The following EPHA5 variants were observed in gnomAD, a reference collection of about 807,000 sequenced individuals.
The protein encoded by EPHA5 is EPH receptor A5, also known as ephrin type-A receptor 5.
Under a neutral mutation model 105.0 loss-of-function variants are expected in EPHA5, and 60 were observed. The observed-to-expected ratio is 0.57, with a 90% CI of 0.46 to 0.71. The LOEUF is 0.71. Ranked by LOEUF, EPHA5 falls within the 30% of genes least tolerant of loss-of-function variation. EPHA5 has a pLI of 0.00. For missense variants in EPHA5, 1,218 were observed against 1,274.7 expected (o/e 0.96, Z 0.68); for synonymous variants, 513 against 449.1 (o/e 1.14, Z -1.80).
intron 5 of EPHA5, among the ~76,000 whole-genome samples, chr4:65,471,632 G>A (rs1225078799): frequency 2.0e-5 from 3 of 152,148 alleles, no homozygotes; most frequent in Non-Finnish European, 2.9e-5. Flanking sequence ...AAAGGAAGCA[G>A]ATTTGTCTTG....
At chr4:65,441,080 G>A (rs1356300745) in intron 5 of EPHA5, among the ~76,000 whole-genome samples, 4 of 151,894 alleles carry the variant, frequency 2.6e-5, no homozygotes, top group Non-Finnish European at 5.9e-5. Flanking sequence ...TAGACAAAAG[G>A]TTAACAATTT....
chr4:65,571,040 C>G (rs1399338004), intron 3 of EPHA5, among the ~76,000 whole-genome samples: 7 of 151,846 alleles, frequency 4.6e-5, no homozygotes, highest in African/African-American at 1.7e-4. Context: ...CTTCCTCCCC[C>G]TCCCTTCTCT....
intron 3 of EPHA5, among the ~76,000 whole-genome samples, chr4:65,597,919 G>C (rs188725473): frequency 1.3e-5 from 2 of 152,230 alleles, no homozygotes; most frequent in South Asian, 2.1e-4. Flanking sequence ...GGTTTAGTTT[G>C]TAAAAGGCCA....
chr4:65,430,495 G>A (rs1724867029), intron 5 of EPHA5, among the ~76,000 whole-genome samples: 1 of 151,964 alleles, frequency 6.6e-6, no homozygotes, highest in African/African-American at 2.4e-5. Context: ...TACTGTAATT[G>A]CTGTACCATA....
At chr4:65,666,081 A>G (rs1749942107) in intron 1 of EPHA5, among the ~76,000 whole-genome samples, 1 of 152,192 alleles carries the variant, frequency 6.6e-6, no homozygotes, top group African/African-American at 2.4e-5. Context: ...ATAAGCCAAG[A>G]AAAACCCTAA....
intron 11 of EPHA5, among the ~76,000 whole-genome samples, chr4:65,359,125 A>G (rs899297527): frequency 3.3e-5 from 5 of 151,640 alleles, no homozygotes; most frequent in Non-Finnish European, 5.9e-5. Context: ...ATCTCTTTCT[A>G]TAAACCTATA....
chr4:65,562,275 T>C (rs1336248648), intron 3 of EPHA5, among the ~76,000 whole-genome samples: 1 of 152,118 alleles, frequency 6.6e-6, no homozygotes. Flanking sequence ...GATATTTTTG[T>C]ACAAAATTTT....
At chr4:65,506,197 G>T (rs1183718473) in intron 3 of EPHA5, among the ~76,000 whole-genome samples, 1 of 152,050 alleles carries the variant, frequency 6.6e-6, no homozygotes, top group Non-Finnish European at 1.5e-5. Flanking sequence ...TTTTATGGCT[G>T]CATAGTATTC....
chr4:65,604,697 A>G (rs185068409), intron 2 of EPHA5, among the ~76,000 whole-genome samples: 1 of 151,598 alleles, frequency 6.6e-6, no homozygotes, highest in Non-Finnish European at 1.5e-5. Flanking sequence ...TGAAGAGAAT[A>G]TCTTGCTGTC....
chr4:65,395,689 T>C (rs1721158419), intron 8 of EPHA5, among the ~76,000 whole-genome samples: 1 of 152,178 alleles, frequency 6.6e-6, no homozygotes, highest in Non-Finnish European at 1.5e-5. Context: ...ATTGAGCAGT[T>C]TTATGTCCAG....
chr4:65,501,856 T>A (rs1732520377), intron 3 of EPHA5, among the ~76,000 whole-genome samples: 1 of 151,670 alleles, frequency 6.6e-6, no homozygotes, highest in Non-Finnish European at 1.5e-5. Flanking sequence ...CAAAATACAG[T>A]ATAAGGTTCC....
At chr4:65,598,809 A>T (rs1331033375) in intron 3 of EPHA5, among the ~76,000 whole-genome samples, 1 of 152,086 alleles carries the variant, frequency 6.6e-6, no homozygotes, top group East Asian at 1.9e-4. Context: ...AAATTGAGAA[A>T]CTGAAAAAAG....
chr4:65,669,782 T>A lies in EPHA5; in HGVS notation c.-40A>T, dbSNP rs1246293487. The A allele has an allele frequency of 8.1e-7, 1 of 1,241,868 alleles. No homozygotes were observed. The highest frequency in any genetic ancestry group is 1.0e-6 in the Non-Finnish European group (1 of 992,840). 76.9% of individuals were successfully genotyped at this position (1,241,868 alleles called of 1,614,324 possible). On this transcript the variant is annotated 5_prime_UTR_variant, in exon 1 of 17. Transcript: ENST00000613740. Reference sequence around the variant, plus strand: ...CTCCGGTGCCGCTGTCCCGAGCGGCTCAGTCCACCGCTTCGGCCTCGCAGA... The same window carrying A: ...CTCCGGTGCCGCTGTCCCGAGCGGCACAGTCCACCGCTTCGGCCTCGCAGA...
rs545236397 is a variant in EPHA5, at chr4:65,401,883, G to T, written c.1793+2491C>A. Among the ~76,000 whole-genome samples the T allele has an allele frequency of 7.5e-5, 11 of 145,752 alleles. No individual in the cohort carries two copies. The South Asian group carries it at 1.1e-3, about 14-fold the overall frequency. ...TGAACAGCAATTTCAGGTATATATAGAATTTGTGTATGTGTGTGTGTGAGA... is the reference window on the plus strand; with the variant it reads ...TGAACAGCAATTTCAGGTATATATATAATTTGTGTATGTGTGTGTGTGAGA... On this transcript the variant is annotated intron_variant, in intron 8 of 16. Transcript: ENST00000613740.
chr4:65,595,563 T>C (rs1476392452), intron 3 of EPHA5, among the ~76,000 whole-genome samples: 1 of 149,830 alleles, frequency 6.7e-6, no homozygotes. Flanking sequence ...TTATAATTTT[T>C]ATATAATATC....
At chr4:65,480,157 G>A (rs1730215779) in intron 5 of EPHA5, among the ~76,000 whole-genome samples, 1 of 152,064 alleles carries the variant, frequency 6.6e-6, no homozygotes, top group Non-Finnish European at 1.5e-5. Context: ...GAGAGAGGGA[G>A]AGAGGATGAA....
intron 7 of EPHA5, among the ~76,000 whole-genome samples, chr4:65,408,086 T>A (rs1448603955): frequency 6.6e-6 from 1 of 152,294 alleles, no homozygotes; most frequent in East Asian, 1.9e-4. Flanking sequence ...TAATAAGAAA[T>A]GATTCATCAA....
intron 3 of EPHA5, among the ~76,000 whole-genome samples, chr4:65,567,722 G>C (rs971390353): frequency 6.6e-6 from 1 of 151,550 alleles, no homozygotes; most frequent in African/African-American, 2.4e-5. Flanking sequence ...TAACCAAAGT[G>C]CTTGAGTAGT....
chr4:65,607,043 T>C (rs1038929300), intron 2 of EPHA5, among the ~76,000 whole-genome samples: 2 of 152,154 alleles, frequency 1.3e-5, no homozygotes, highest in Non-Finnish European at 2.9e-5. Context: ...AAAATATAGG[T>C]TTTAAATTTA....
Sources: allele counts gnomAD v4.1 joint callset (sites outside exome capture counted in the v4.1 genomes callset), GRCh38; gene constraint gnomAD v4.1.1; transcripts MANE v1.5; gene names NCBI Gene and HGNC (gene_info 2026-07-23, HGNC 2026-07-21).